Variants in UNC13C observed in about 807,000 individuals in gnomAD.
UNC13C encodes the protein protein unc-13 homolog C.
Under a neutral mutation model 245.4 loss-of-function variants are expected in UNC13C, and 174 were observed. The ratio of observed to expected loss-of-function variants is 0.71; its 90% CI spans 0.63 to 0.80. The LOEUF (loss-of-function observed/expected upper bound fraction) is 0.80, where lower values mean the gene tolerates loss of function less well. Ranked by LOEUF, UNC13C falls within the 30% of genes least tolerant of loss-of-function variation. UNC13C has a pLI of 0.00. For missense variants in UNC13C, 2,829 were observed against 2,602.9 expected (o/e 1.09, Z -1.89); for synonymous variants, 992 against 895.1 (o/e 1.11, Z -1.93).
the UNC13C span, among the ~76,000 whole-genome samples, chr15:53,871,000 T>G: frequency 1.3e-5 from 2 of 152,200 alleles, no homozygotes; most frequent in Non-Finnish European, 2.9e-5. Context: ...TCATGCCATC[T>G]AATTGCTTTC....
Position 54,199,272 on chromosome 15 carries a change from G to A in UNC13C, c.3072-35758G>A, listed in dbSNP as rs193017808. Among the ~76,000 whole-genome samples the A allele has an allele frequency of 4.5e-3, 687 of 152,234 alleles. 5 individuals are homozygous for A. Among genetic ancestry groups the A allele is most frequent in the African/African-American group, 0.016 (661 of 41,550 alleles). Reference sequence around the variant, plus strand: ...CTACAAGTTTGGAAAACATTTTTGAGGGAATAATTGAGGAAACCTTCCCCA... The same window carrying A: ...CTACAAGTTTGGAAAACATTTTTGAAGGAATAATTGAGGAAACCTTCCCCA... On this transcript the variant is annotated intron_variant, in intron 4 of 32. Coordinates refer to ENST00000260323, the MANE Select transcript of UNC13C (RefSeq NM_001080534.3).
At position 54,148,781 on chromosome 15, in the gene UNC13C, G is replaced by T. The variant is rs139335767; in HGVS notation, c.3071+5097G>T. On this transcript the variant is annotated intron_variant, in intron 4 of 32. Coordinates refer to ENST00000260323, the MANE Select transcript of UNC13C (RefSeq NM_001080534.3). ...GAAATTCTCCTAAGCCTAGACATGG[G>T]CTGTTTCGACTGCCCTTTCTTCTGA... Among the ~76,000 whole-genome samples, 454 of 152,260 alleles carry T rather than the reference G, an allele frequency of 3.0e-3. 1 individual carries two copies. Among genetic ancestry groups the T allele is most frequent in the African/African-American group, 0.011 (437 of 41,540 alleles).
intron 2 of UNC13C, among the ~76,000 whole-genome samples, chr15:54,022,494 A>C (rs1230512103): frequency 1.3e-5 from 2 of 152,026 alleles, no homozygotes; most frequent in Non-Finnish European, 2.9e-5. Flanking sequence ...TTTAATTTGC[A>C]TTTCCCTGAG....
chr15:54,268,555 G>T (rs1175090810), intron 10 of UNC13C, among the ~76,000 whole-genome samples: 2 of 152,036 alleles, frequency 1.3e-5, no homozygotes, highest in Non-Finnish European at 2.9e-5. Context: ...CATCCTATAG[G>T]TATTATTGAG....
chr15:54,429,831 GAGTA>G (rs1229868757), intron 19 of UNC13C, among the ~76,000 whole-genome samples: 17 of 151,528 alleles, frequency 1.1e-4, no homozygotes, highest in Admixed American at 2.6e-4. Flanking sequence ...ATCACTCTGG[GAGTA>G]AGTAACAGAA....
chr15:54,153,744 G>T (rs1198261707), intron 4 of UNC13C, among the ~76,000 whole-genome samples: 1 of 151,938 alleles, frequency 6.6e-6, no homozygotes, highest in African/African-American at 2.4e-5. Flanking sequence ...GATTTCAAAA[G>T]TATATTTGCA....
intron 30 of UNC13C, among the ~76,000 whole-genome samples, chr15:54,578,796 G>A (rs927489105): frequency 6.6e-6 from 1 of 152,166 alleles, no homozygotes; most frequent in Admixed American, 6.5e-5. Context: ...CTTGAGGTCA[G>A]CAGTTCGAGA....
chr15:54,315,718 G>T (rs533105294), intron 13 of UNC13C, among the ~76,000 whole-genome samples: 1 of 151,768 alleles, frequency 6.6e-6, no homozygotes, highest in East Asian at 2.0e-4. Context: ...GCTCATAGTT[G>T]ACTAGATACA....
intron 19 of UNC13C, among the ~76,000 whole-genome samples, chr15:54,433,305 C>T (rs975976640): frequency 6.6e-6 from 1 of 152,040 alleles, no homozygotes; most frequent in Non-Finnish European, 1.5e-5. Flanking sequence ...GGCCAATATC[C>T]CTGATGAACA....
At chr15:54,607,092 T>A (rs769056850) in intron 30 of UNC13C, among the ~76,000 whole-genome samples, 12 of 152,228 alleles carry the variant, frequency 7.9e-5, no homozygotes, top group Non-Finnish European at 1.6e-4. Context: ...TTTAAAACTT[T>A]TTAAAAAATT....
the UNC13C span, among the ~76,000 whole-genome samples, chr15:53,935,766 C>A: frequency 6.6e-6 from 1 of 152,106 alleles, no homozygotes. Context: ...TGTTATGTGA[C>A]CCTGCCCAGG....
At chr15:54,143,920 C>T (rs1344807609) in intron 4 of UNC13C, among the ~76,000 whole-genome samples, 2 of 152,090 alleles carry the variant, frequency 1.3e-5, no homozygotes, top group Non-Finnish European at 2.9e-5. Context: ...TCAAAATCAA[C>T]TAACCAGTTT....
At chr15:54,583,745 C>A (rs1898318162) in intron 30 of UNC13C, among the ~76,000 whole-genome samples, 1 of 152,202 alleles carries the variant, frequency 6.6e-6, no homozygotes, top group Non-Finnish European at 1.5e-5. Flanking sequence ...GTCTGGGTAA[C>A]ACTTCCCCTC....
At chr15:54,525,783 T>G (rs974255492) in intron 25 of UNC13C, 146 bp downstream of exon 25, 2 of 695,110 alleles carry the variant, frequency 2.9e-6, no homozygotes, top group Non-Finnish European at 4.9e-6. Context: ...GAAACATCTG[T>G]TATGACCCCA....
Position 54,627,090 on chromosome 15 carries a change from A to AGATCTACTGAAGAGAGTGCTT in UNC13C, c.6625_6645dup, listed in dbSNP as rs769422987. On this transcript the variant is annotated stop_gained and inframe_insertion, in exon 33 of 33. Coordinates refer to ENST00000260323, the MANE Select transcript of UNC13C (RefSeq NM_001080534.3). LOFTEE classifies it high-confidence loss of function. ...ATTTGTAAGACTTAAATCTGAAACA[A>AGATCTACTGAAGAGAGTGCTT]GATCTACTGAAGAGAGTGCTTGAAA... The AGATCTACTGAAGAGAGTGCTT allele has an allele frequency of 4.2e-5, 67 of 1,612,216 alleles. No homozygotes were observed. The highest frequency in any genetic ancestry group is 4.9e-5 in the Non-Finnish European group (58 of 1,179,054).
intron 30 of UNC13C, among the ~76,000 whole-genome samples, chr15:54,569,566 G>T (rs543246418): frequency 6.6e-6 from 1 of 152,042 alleles, no homozygotes; most frequent in South Asian, 2.1e-4. Flanking sequence ...CTGTGTGTGT[G>T]TGTGTGCATA....
chr15:54,404,954 G>A (rs1251786307), intron 18 of UNC13C, among the ~76,000 whole-genome samples: 1 of 152,090 alleles, frequency 6.6e-6, no homozygotes, highest in Non-Finnish European at 1.5e-5. Context: ...TAAATACCTA[G>A]TAAGTACAAA....
intron 2 of UNC13C, among the ~76,000 whole-genome samples, chr15:54,016,262 G>C (rs1324143102): frequency 6.6e-6 from 1 of 152,034 alleles, no homozygotes; most frequent in Non-Finnish European, 1.5e-5. Context: ...TCTATTTCTT[G>C]GTTCCATTAA....
intron 13 of UNC13C, among the ~76,000 whole-genome samples, chr15:54,309,160 A>G (rs2037804113): frequency 6.6e-6 from 1 of 151,836 alleles, no homozygotes; most frequent in East Asian, 1.9e-4. Context: ...CTCCTTGCCA[A>G]GGCTTGTTAT....
Sources: allele counts gnomAD v4.1 joint callset (sites outside exome capture counted in the v4.1 genomes callset), GRCh38; gene constraint gnomAD v4.1.1; transcripts MANE v1.5; gene names NCBI Gene and HGNC (gene_info 2026-07-23, HGNC 2026-07-21).